BRI3: variants seen among roughly 807,000 people sequenced by gnomAD.
BRI3 encodes membrane protein BRI3.
A neutral mutation model predicts 12.8 loss-of-function variants in BRI3; 6 were observed. That is an observed-to-expected ratio of 0.47 (90% confidence interval 0.26 to 0.93). The LOEUF is 0.93. Among genes scored for constraint, BRI3 ranks in the 40% least tolerant of loss-of-function variants. The pLI, the probability that BRI3 is intolerant of heterozygous loss-of-function variation, is 0.15. For synonymous variants in BRI3, 91 were observed against 76.1 expected (o/e 1.20, Z -1.02); for missense variants, 134 against 171.1 (o/e 0.78, Z 1.21).
At chr7:98,315,712 G>C in the BRI3 span, 87 of 509,336 alleles carry the variant, frequency 1.7e-4, no homozygotes, top group Admixed American at 1.0e-3. Flanking sequence ...CTTTACACCT[G>C]CTTTATTTGA....
chr7:98,295,875 G>C (rs1358469357), downstream of BRI3, among the ~76,000 whole-genome samples: 1 of 152,176 alleles, frequency 6.6e-6, no homozygotes, highest in Non-Finnish European at 1.5e-5. Context: ...CCTGCCAGGA[G>C]GACTGAGGAG....
chr7:98,292,222 T>G, downstream of BRI3: 1 of 209,212 alleles, frequency 4.8e-6, no homozygotes, highest in South Asian at 6.9e-5. Flanking sequence ...GGAGAGGGGA[T>G]AAGTCACAGC....
the BRI3 span, among the ~76,000 whole-genome samples, chr7:98,318,637 T>C: frequency 1.3e-4 from 19 of 151,384 alleles, no homozygotes; most frequent in African/African-American, 4.6e-4. Context: ...CCCTATAATC[T>C]GTGAAGTGCA....
At chr7:98,287,924 G>A (rs1311048791) in intron 2 of BRI3, among the ~76,000 whole-genome samples, 1 of 152,158 alleles carries the variant, frequency 6.6e-6, no homozygotes, top group Non-Finnish European at 1.5e-5. Context: ...CTGGGCCTTT[G>A]AACAGGCAGT....
At chr7:98,297,426 G>A (rs1800238950), downstream of BRI3, among the ~76,000 whole-genome samples, 1 of 152,200 alleles carries the variant, frequency 6.6e-6, no homozygotes, top group African/African-American at 2.4e-5. Flanking sequence ...GAATGCTGGT[G>A]GCCCTCACTG....
At chr7:98,309,787 G>A (rs184019355) in exon 2 of BRI3, 2 of 151,524 alleles carry the variant, frequency 1.3e-5, no homozygotes, top group Non-Finnish European at 2.9e-5. Context: ...CGAGGGTCCT[G>A]GGTGCTAAAG....
At chr7:98,309,684 C>G (rs1415507863) in exon 2 of BRI3, 2 of 152,274 alleles carry the variant, frequency 1.3e-5, no homozygotes, top group Non-Finnish European at 2.9e-5. Context: ...GTCCAGGGCT[C>G]TCTCTCACAA....
chr7:98,321,292 T>C, the BRI3 span, among the ~76,000 whole-genome samples: 1 of 152,350 alleles, frequency 6.6e-6, no homozygotes, highest in East Asian at 1.9e-4. Flanking sequence ...ATGATTTATT[T>C]TTATCGAATC....
chr7:98,320,377 C>G, the BRI3 span: 1 of 1,175,656 alleles, frequency 8.5e-7, no homozygotes, highest in Non-Finnish European at 1.2e-6. Flanking sequence ...GCTCTGTCGC[C>G]CAGGCTGGAG....
chr7:98,294,057 T>G (rs189766591), downstream of BRI3: 273 of 1,613,492 alleles, frequency 1.7e-4, 1 homozygote, highest in African/African-American at 3.1e-3. Context: ...GAGGCTCACG[T>G]AGGAAGCCAC....
the BRI3 span, among the ~76,000 whole-genome samples, chr7:98,317,645 C>G: frequency 6.6e-6 from 1 of 150,948 alleles, no homozygotes; most frequent in Admixed American, 6.6e-5. Flanking sequence ...GCAGTTCACA[C>G]CATCCACACA....
downstream of BRI3, among the ~76,000 whole-genome samples, chr7:98,294,485 C>T (rs913315135): frequency 1.2e-4 from 18 of 152,300 alleles, no homozygotes; most frequent in East Asian, 2.5e-3. Flanking sequence ...GCACTGCCTG[C>T]GCGGGTCACC....
chr7:98,295,164 G>A (rs1800135502), downstream of BRI3, among the ~76,000 whole-genome samples: 2 of 152,338 alleles, frequency 1.3e-5, no homozygotes, highest in East Asian at 1.9e-4. Context: ...GCGCTAGAGC[G>A]CAGGCCGTTC....
chr7:98,309,125 T>TAC (rs1183873072), exon 2 of BRI3: 1 of 152,042 alleles, frequency 6.6e-6, no homozygotes, highest in East Asian at 1.9e-4. Flanking sequence ...TGCCACTCTC[T>TAC]ACTTCGCTGG....
downstream of BRI3, chr7:98,293,487 C>A (rs754804998): frequency 2.5e-6 from 4 of 1,592,524 alleles, no homozygotes; most frequent in Non-Finnish European, 2.6e-6. Context: ...CAAGGGAGAA[C>A]CGGAGAGGCC....
chr7:98,322,863 G>A, the BRI3 span: 1 of 152,254 alleles, frequency 6.6e-6, no homozygotes, highest in Admixed American at 6.5e-5. Context: ...CCGCCATGGT[G>A]TTCCAGGGAA....
At chr7:98,308,590 G>C (rs752310191) in exon 2 of BRI3, 51 of 304,968 alleles carry the variant, frequency 1.7e-4, no homozygotes, top group Non-Finnish European at 2.9e-4. Context: ...CTACCCATGA[G>C]CACGAGGCTG....
intron 1 of BRI3, 23 bp downstream of exon 1, chr7:98,281,960 C>T: frequency 1.6e-6 from 2 of 1,289,696 alleles, no homozygotes; most frequent in African/African-American, 3.1e-5. Context: ...CCAACTTTCC[C>T]CGCCGGCGGC....
At chr7:98,299,945 G>A (rs1800353236) in intron 1 of BRI3, among the ~76,000 whole-genome samples, 1 of 152,160 alleles carries the variant, frequency 6.6e-6, no homozygotes, top group Admixed American at 6.6e-5. Context: ...GGAGGCTGAG[G>A]CGGGAGAATT....
Sources: allele counts gnomAD v4.1 joint callset (sites outside exome capture counted in the v4.1 genomes callset), GRCh38; gene constraint gnomAD v4.1.1; transcripts MANE v1.5; gene names NCBI Gene and HGNC (gene_info 2026-07-23, HGNC 2026-07-21).